Variants in REPS2 observed in about 807,000 individuals in gnomAD.
REPS2 encodes the protein RALBP1 associated Eps domain containing 2, also known as ralBP1-associated Eps domain-containing protein 2.
REPS2 carries 23 observed loss-of-function variants against 53.6 expected under a neutral mutation model. That is an observed-to-expected ratio of 0.43 (90% CI 0.31 to 0.61). REPS2 has a LOEUF of 0.61. REPS2 is among the 20% of genes least tolerant of loss of function. The pLI, the probability that REPS2 is intolerant of heterozygous loss-of-function variation, is 0.11. For missense variants in REPS2, 446 were observed against 534.9 expected (o/e 0.83, Z 1.64); for synonymous variants, 238 against 218.6 (o/e 1.09, Z -0.78).
intron 5 of REPS2, among the ~76,000 whole-genome samples, chrX:17,046,479 C>T (rs184141930): frequency 3.6e-5 from 4 of 111,888 alleles, no homozygotes; most frequent in Admixed American, 2.8e-4. Context: ...CCCGGCCAAG[C>T]CTCATCCTTC....
At chrX:17,141,074 A>G (rs1271920458) in intron 17 of REPS2, among the ~76,000 whole-genome samples, 2 of 112,050 alleles carry the variant, frequency 1.8e-5, no homozygotes, top group South Asian at 3.7e-4. Context: ...CAGCGCACGC[A>G]CAAACCTTAA....
chrX:17,195,945 C>G, the REPS2 span, among the ~76,000 whole-genome samples: 1 of 112,295 alleles, frequency 8.9e-6, no homozygotes, highest in Non-Finnish European at 1.9e-5. Context: ...TGCCAACACT[C>G]CACTACTTCC....
At chrX:17,052,157 T>C (rs1316546807) in intron 6 of REPS2, among the ~76,000 whole-genome samples, 1 of 112,513 alleles carries the variant, frequency 8.9e-6, no homozygotes, top group African/African-American at 3.2e-5. Flanking sequence ...TTCATGAGCA[T>C]TATGTTATTG....
At chrX:17,050,190 C>CTTTCTTTCTTTCT (rs2061973724) in intron 6 of REPS2, among the ~76,000 whole-genome samples, 4 of 48,638 alleles carry the variant, frequency 8.2e-5, no homozygotes, top group Admixed American at 3.6e-4. Context: ...TTCTTTCTTT[C>CTTTCTTTCTTTCT]TTTCTTTTTT....
chrX:17,082,328 C>A (rs1257460266), intron 13 of REPS2, among the ~76,000 whole-genome samples: 2 of 112,721 alleles, frequency 1.8e-5, no homozygotes, highest in Non-Finnish European at 3.7e-5. Context: ...CATGGATAGA[C>A]CTAGTTGCCA....
chrX:17,088,827 C>T (rs2062577689), intron 13 of REPS2, among the ~76,000 whole-genome samples: 1 of 110,619 alleles, frequency 9.0e-6, no homozygotes, highest in African/African-American at 3.3e-5. Flanking sequence ...TCGTGATCCA[C>T]CTGCCTCGGC....
intron 2 of REPS2, among the ~76,000 whole-genome samples, chrX:17,013,170 A>G (rs1467748819): frequency 2.7e-5 from 3 of 112,158 alleles, no homozygotes; most frequent in Non-Finnish European, 5.6e-5. Context: ...AACACCCTAC[A>G]CTGCAGAGGA....
the REPS2 span, among the ~76,000 whole-genome samples, chrX:17,176,467 A>G: frequency 8.9e-6 from 1 of 112,070 alleles, no homozygotes; most frequent in East Asian, 2.8e-4. Context: ...GAGAACAAGG[A>G]CTGAATGTTG....
At chrX:17,016,563 C>A (rs1002810060) in intron 2 of REPS2, among the ~76,000 whole-genome samples, 1 of 110,543 alleles carries the variant, frequency 9.0e-6, no homozygotes, top group Admixed American at 9.6e-5. Flanking sequence ...GCCTGTGCCA[C>A]CACGCCTGGC....
rs190140711 is a variant in REPS2 at position 17,086,035 on chromosome X, A to T, written c.1516+8628A>T. The stretch of plus-strand genomic sequence containing the variant: ...ACATGCACATTGCACTTGTTTTGGC[A>T]TATTTTAAGTCTCTTAACTGATAGG... On this transcript the variant is annotated intron_variant, in intron 13 of 17. Transcript: ENST00000357277. 1.4e-3 allele frequency among the ~76,000 whole-genome samples: 162 copies of T among 111,928 alleles called. 2 individuals carry two copies. Among genetic ancestry groups the T allele is most frequent in the Admixed American group, 2.4e-3 (25 of 10,592 alleles).
chrX:17,115,575 G>T (rs974570341), intron 14 of REPS2, among the ~76,000 whole-genome samples: 3 of 110,902 alleles, frequency 2.7e-5, no homozygotes, highest in South Asian at 7.6e-4. Context: ...GTCGAGCTGG[G>T]GGACGGTCAG....
intron 17 of REPS2, among the ~76,000 whole-genome samples, chrX:17,146,040 C>T (rs1030703051): frequency 1.9e-5 from 2 of 105,365 alleles, no homozygotes; most frequent in African/African-American, 7.0e-5. Flanking sequence ...ACCTGGGAGG[C>T]GGAGCTTGCA....
intron 1 of REPS2, among the ~76,000 whole-genome samples, chrX:16,965,353 C>T (rs1379929908): frequency 9.0e-6 from 1 of 110,891 alleles, no homozygotes; most frequent in African/African-American, 3.3e-5. Flanking sequence ...GGCGGCTGGC[C>T]GGGCGGGGGG....
the REPS2 span, among the ~76,000 whole-genome samples, chrX:17,172,991 G>GTA: frequency 1.5e-4 from 17 of 110,531 alleles, no homozygotes; most frequent in African/African-American, 5.6e-4. Context: ...GTGTGTGTGT[G>GTA]TGTGTGTGTG....
Position 17,069,919 on chromosome X carries a change from TA to T in REPS2, c.1280-15del. On this transcript the variant is annotated intron_variant, in intron 10 of 17. Coordinates refer to ENST00000357277, the MANE Select transcript of REPS2 (RefSeq NM_004726.3). ...TTCCTCTTTTCTCTTTCTTTTTGCT[TA>T]AAAAACAAAACACAACTAGCTTTGA... 2.9e-6 allele frequency: 3 copies of T among 1,048,395 alleles called. No homozygotes were observed. Among genetic ancestry groups the T allele is most frequent in the Non-Finnish European group, 3.8e-6 (3 of 793,313 alleles). The allele number at this position is 1,048,395 out of a possible 1,213,427, so 86.4% of individuals were successfully genotyped here.
At chrX:17,096,487 G>A (rs1259006156) in intron 13 of REPS2, among the ~76,000 whole-genome samples, 3 of 105,244 alleles carry the variant, frequency 2.9e-5, no homozygotes, top group East Asian at 5.9e-4. Flanking sequence ...GTGAAACCCC[G>A]TCTCTACTAA....
intron 13 of REPS2, among the ~76,000 whole-genome samples, chrX:17,089,393 G>A (rs769053575): frequency 9.1e-6 from 1 of 110,395 alleles, no homozygotes; most frequent in Admixed American, 9.6e-5. Context: ...ACTTTATTGA[G>A]GTATATAGAT....
At chrX:16,996,227 A>G (rs988941080) in intron 1 of REPS2, among the ~76,000 whole-genome samples, 6 of 111,761 alleles carry the variant, frequency 5.4e-5, no homozygotes, top group Non-Finnish European at 1.1e-4. Context: ...GGACACAGAA[A>G]GGGGATTCAG....
At chrX:17,121,347 T>G (rs1265834178) in intron 14 of REPS2, among the ~76,000 whole-genome samples, 2 of 112,201 alleles carry the variant, frequency 1.8e-5, no homozygotes, top group African/African-American at 3.2e-5. Context: ...AAGCCCCAAT[T>G]TGCAGCCGTT....
Sources: allele counts gnomAD v4.1 joint callset (sites outside exome capture counted in the v4.1 genomes callset), GRCh38; gene constraint gnomAD v4.1.1; transcripts MANE v1.5; gene names NCBI Gene and HGNC (gene_info 2026-07-23, HGNC 2026-07-21).